NEGR1: variants seen among roughly 807,000 people sequenced by gnomAD.
The protein encoded by NEGR1 is neuronal growth regulator 1.
NEGR1 carries 10 observed loss-of-function variants against 40.9 expected under a neutral mutation model. That is an observed-to-expected ratio of 0.24 (90% CI 0.15 to 0.42). NEGR1 has a LOEUF of 0.42. NEGR1 is among the 10% of genes least tolerant of loss of function. The pLI is 1.00. For missense variants in NEGR1, 352 were observed against 438.9 expected (o/e 0.80, Z 1.77); for synonymous variants, 185 against 166.8 (o/e 1.11, Z -0.84).
intron 1 of NEGR1, among the ~76,000 whole-genome samples, chr1:72,188,223 T>C (rs1025695121): frequency 6.6e-6 from 1 of 151,498 alleles, no homozygotes; most frequent in African/African-American, 2.4e-5. Flanking sequence ...TTTTGAAAGA[T>C]GAACCTTTCA....
intron 6 of NEGR1, among the ~76,000 whole-genome samples, chr1:71,453,275 C>A (rs557458004): frequency 6.6e-6 from 1 of 152,150 alleles, no homozygotes; most frequent in Non-Finnish European, 1.5e-5. Context: ...TATGTTCTAC[C>A]TGAGTTGCAA....
intron 1 of NEGR1, among the ~76,000 whole-genome samples, chr1:71,936,438 T>C (rs1242079158): frequency 6.6e-6 from 1 of 152,122 alleles, no homozygotes; most frequent in East Asian, 1.9e-4. Context: ...GAGAATATTT[T>C]TATGAAATCA....
intron 5 of NEGR1, among the ~76,000 whole-genome samples, chr1:71,603,813 A>T (rs1649995487): frequency 6.6e-6 from 1 of 152,184 alleles, no homozygotes; most frequent in Admixed American, 6.5e-5. Flanking sequence ...TGAATACACT[A>T]GTTCAGAAAT....
intron 6 of NEGR1, among the ~76,000 whole-genome samples, chr1:71,540,775 A>T (rs1375305949): frequency 6.6e-6 from 1 of 151,774 alleles, no homozygotes; most frequent in Admixed American, 6.6e-5. Context: ...TGGGTAATTT[A>T]TAAAGAAAAT....
At chr1:72,228,083 T>A (rs1654249120) in intron 1 of NEGR1, among the ~76,000 whole-genome samples, 1 of 152,112 alleles carries the variant, frequency 6.6e-6, no homozygotes, top group Admixed American at 6.6e-5. Context: ...TACAGGCTAC[T>A]ATTAGGAAAG....
chr1:71,479,678 G>A (rs956218124), intron 6 of NEGR1, among the ~76,000 whole-genome samples: 5 of 151,860 alleles, frequency 3.3e-5, no homozygotes, highest in Non-Finnish European at 7.4e-5. Context: ...ATTGAGTTAT[G>A]GCTTAAACAT....
At chr1:71,759,192 T>C (rs1474695772) in intron 3 of NEGR1, among the ~76,000 whole-genome samples, 4 of 152,012 alleles carry the variant, frequency 2.6e-5, no homozygotes, top group African/African-American at 9.7e-5. Context: ...CCATCTAATA[T>C]TATGAATGGA....
intron 1 of NEGR1, among the ~76,000 whole-genome samples, chr1:72,119,926 A>C (rs1434869790): frequency 6.6e-6 from 1 of 151,996 alleles, no homozygotes; most frequent in Non-Finnish European, 1.5e-5. Flanking sequence ...TGGAAGAGAC[A>C]AGCTTCCTTT....
At chr1:71,706,104 A>G (rs1653887492) in intron 3 of NEGR1, among the ~76,000 whole-genome samples, 1 of 152,230 alleles carries the variant, frequency 6.6e-6, no homozygotes, top group Non-Finnish European at 1.5e-5. Flanking sequence ...CTAAATCACC[A>G]ATGCCAGCCA....
intron 6 of NEGR1, among the ~76,000 whole-genome samples, chr1:71,561,927 G>A (rs1292339882): frequency 4.1e-5 from 2 of 48,196 alleles, no homozygotes; most frequent in Non-Finnish European, 8.6e-5. Flanking sequence ...TTTTGCTAGA[G>A]CTTTTTTTTT....
chr1:72,167,755 A>T (rs190964698), intron 1 of NEGR1, among the ~76,000 whole-genome samples: 71 of 152,060 alleles, frequency 4.7e-4, no homozygotes, highest in African/African-American at 1.6e-3. Flanking sequence ...CTAAATTTAG[A>T]CAGGCCCTGA....
intron 6 of NEGR1, among the ~76,000 whole-genome samples, chr1:71,532,823 A>G (rs533375991): frequency 4.0e-5 from 6 of 151,724 alleles, no homozygotes; most frequent in Admixed American, 1.3e-4. Flanking sequence ...TGTTTAATGG[A>G]AAAGTACCCA....
At chr1:71,797,801 A>G (rs745507425) in intron 2 of NEGR1, among the ~76,000 whole-genome samples, 3 of 151,772 alleles carry the variant, frequency 2.0e-5, no homozygotes, top group Admixed American at 6.6e-5. Flanking sequence ...CTGAGCACTG[A>G]CTCTTCTTCC....
chr1:71,735,138 T>A (rs1456352467), intron 3 of NEGR1, among the ~76,000 whole-genome samples: 1 of 152,104 alleles, frequency 6.6e-6, no homozygotes, highest in African/African-American at 2.4e-5. Context: ...CACCAGCACT[T>A]CTATCTCAGC....
chr1:72,037,429 A>G (rs549037110), intron 1 of NEGR1, among the ~76,000 whole-genome samples: 12 of 152,124 alleles, frequency 7.9e-5, no homozygotes, highest in Non-Finnish European at 1.6e-4. Context: ...CTGGCACTTA[A>G]GCCACATAAT....
chr1:71,926,178 C>A (rs139049432), intron 2 of NEGR1, among the ~76,000 whole-genome samples: 1 of 152,064 alleles, frequency 6.6e-6, no homozygotes, highest in African/African-American at 2.4e-5. Flanking sequence ...GGGATAATTA[C>A]TTTAAATTAT....
intron 3 of NEGR1, among the ~76,000 whole-genome samples, chr1:71,705,841 AGAGAAGGAAGGAAGAGAG>A (rs1425850666): frequency 6.6e-6 from 1 of 151,834 alleles, no homozygotes; most frequent in East Asian, 1.9e-4. Context: ...AGAAAGAGAG[AGAGAAGGAAGGAAGAGAG>A]GAAGGAAGGA....
intron 4 of NEGR1, among the ~76,000 whole-genome samples, chr1:71,671,257 C>T (rs1457738610): frequency 6.6e-6 from 1 of 152,066 alleles, no homozygotes; most frequent in Non-Finnish European, 1.5e-5. Context: ...ATTAACCTTG[C>T]TCCTGGCAGT....
chr1:71,506,781 C>A (rs756212136), intron 6 of NEGR1, among the ~76,000 whole-genome samples: 41 of 151,396 alleles, frequency 2.7e-4, no homozygotes, highest in Non-Finnish European at 4.6e-4. Context: ...ATGGGTCATC[C>A]AAAGTGATGG....
Sources: gnomAD v4.1 joint callset for allele counts (sites outside exome capture counted in the v4.1 genomes callset) on GRCh38, gnomAD v4.1.1 for gene constraint, MANE v1.5 for transcripts, NCBI Gene and HGNC (gene_info 2026-07-23, HGNC 2026-07-21) for gene names.